ANTXR2: variants seen among roughly 807,000 people sequenced by gnomAD.
ANTXR2 encodes the protein anthrax toxin receptor 2.
Under a neutral mutation model 73.7 loss-of-function variants are expected in ANTXR2, and 44 were observed. That is an observed-to-expected ratio of 0.60 (90% CI 0.47 to 0.77). ANTXR2 has a LOEUF of 0.77. Among genes scored for constraint, ANTXR2 ranks in the 30% least tolerant of loss-of-function variants. ANTXR2 has a pLI of 0.00. For missense variants in ANTXR2, 604 were observed against 592.5 expected, an observed-to-expected ratio of 1.02 and a Z score of -0.20; for synonymous variants, 217 against 205.9, an observed-to-expected ratio of 1.05 and a Z score of -0.46.
In ANTXR2 at chr4:79,923,981, A is replaced by C. The variant is rs542949982; in HGVS notation, c.1429-16514T>G. On this transcript the variant is annotated intron_variant, in intron 16 of 16. Coordinates refer to ENST00000403729, the MANE Select transcript of ANTXR2 (RefSeq NM_058172.6). ...AGCACAATTCATGAAGATTTCCAAA[A>C]ACACACACATATATTGTTTTAATTG... Among the ~76,000 whole-genome samples the C allele has an allele frequency of 8.5e-5, 13 of 152,270 alleles. No individual in the cohort carries two copies. The East Asian group carries it at 1.2e-3, about 14-fold the overall frequency.
intron 11 of ANTXR2, among the ~76,000 whole-genome samples, chr4:80,015,266 A>T (rs896971542): frequency 6.6e-6 from 1 of 152,300 alleles, no homozygotes; most frequent in East Asian, 1.9e-4. Context: ...GGATGTTTCC[A>T]ATGGCAGCAT....
chr4:79,988,229 T>TTATATATATATA (rs70944756), intron 12 of ANTXR2, among the ~76,000 whole-genome samples: 1 of 68,146 alleles, frequency 1.5e-5, no homozygotes, highest in Non-Finnish European at 2.8e-5. Flanking sequence ...CACATAAATT[T>TTATATATATATA]TATATATATA....
intron 16 of ANTXR2, among the ~76,000 whole-genome samples, chr4:79,937,851 G>A (rs577173333): frequency 2.7e-5 from 4 of 145,600 alleles, no homozygotes; most frequent in African/African-American, 7.6e-5. Context: ...GACAGTGGGC[G>A]CAGGCCAGTG....
intron 7 of ANTXR2, among the ~76,000 whole-genome samples, chr4:80,038,861 T>C (rs1174450670): frequency 1.3e-5 from 2 of 152,030 alleles, no homozygotes; most frequent in Admixed American, 6.6e-5. Flanking sequence ...AAAAAAAAAC[T>C]GTTTGGACCT....
intron 11 of ANTXR2, among the ~76,000 whole-genome samples, chr4:80,015,805 G>A (rs1317636958): frequency 7.5e-5 from 11 of 146,894 alleles, no homozygotes; most frequent in Admixed American, 1.4e-4. Flanking sequence ...GAAGAAAGAA[G>A]GAAGGATGGA....
At chr4:79,982,479 C>T (rs754358428) in intron 14 of ANTXR2, among the ~76,000 whole-genome samples, 45 of 151,972 alleles carry the variant, frequency 3.0e-4, no homozygotes, top group African/African-American at 7.7e-4. Context: ...ACTTTTATTT[C>T]GAAGTGTATG....
intron 16 of ANTXR2, among the ~76,000 whole-genome samples, chr4:79,911,477 A>G (rs556089750): frequency 6.6e-6 from 1 of 151,944 alleles, no homozygotes; most frequent in East Asian, 1.9e-4. Flanking sequence ...ATATAGACCT[A>G]TATTTATTAT....
intron 12 of ANTXR2, among the ~76,000 whole-genome samples, chr4:79,994,647 T>C (rs1458015344): frequency 1.3e-5 from 2 of 151,992 alleles, no homozygotes; most frequent in Non-Finnish European, 2.9e-5. Context: ...ACTCTTCCTT[T>C]TTTTTAATGT....
intron 7 of ANTXR2, among the ~76,000 whole-genome samples, chr4:80,041,933 A>G (rs1017458916): frequency 6.6e-6 from 1 of 151,920 alleles, no homozygotes; most frequent in South Asian, 2.1e-4. Flanking sequence ...AAACATACGC[A>G]TGCATGTATC....
intron 7 of ANTXR2, among the ~76,000 whole-genome samples, chr4:80,052,884 T>A (rs1182741684): frequency 1.3e-5 from 2 of 151,558 alleles, no homozygotes; most frequent in African/African-American, 4.8e-5. Flanking sequence ...AGCTACTAAT[T>A]CCTTGAAGGG....
intron 9 of ANTXR2, 33 bp from the exon 10 acceptor site, chr4:80,031,725 G>A (rs746948765): frequency 1.4e-4 from 182 of 1,307,090 alleles, no homozygotes; most frequent in Non-Finnish European, 1.8e-4. Flanking sequence ...ATTAGTAAAG[G>A]GTTTTATGCA....
intron 16 of ANTXR2, among the ~76,000 whole-genome samples, chr4:79,923,275 T>C (rs7685822): frequency 0.57 from 86,895 of 151,636 alleles, 25,191 homozygotes; most frequent in Non-Finnish European, 0.6. Context: ...TGTCTAAAAA[T>C]ACAAACACAA....
intron 11 of ANTXR2, among the ~76,000 whole-genome samples, chr4:80,014,986 C>G (rs2110064208): frequency 6.6e-6 from 1 of 152,294 alleles, no homozygotes; most frequent in African/African-American, 2.4e-5. Context: ...ACAAGGTCTT[C>G]TTTTCCTGTT....
At chr4:79,980,456 G>A (rs915779410) in intron 14 of ANTXR2, among the ~76,000 whole-genome samples, 9 of 152,134 alleles carry the variant, frequency 5.9e-5, no homozygotes, top group African/African-American at 2.2e-4. Flanking sequence ...GGAAGCCTTA[G>A]CAGAATTAAT....
chr4:79,935,560 G>T (rs1728231767), intron 16 of ANTXR2, among the ~76,000 whole-genome samples: 1 of 152,050 alleles, frequency 6.6e-6, no homozygotes, highest in South Asian at 2.1e-4. Flanking sequence ...GCCAGAAGGA[G>T]CTTTAACTAG....
chr4:79,932,813 A>T (rs1728111431), intron 16 of ANTXR2, among the ~76,000 whole-genome samples: 1 of 151,150 alleles, frequency 6.6e-6, no homozygotes, highest in East Asian at 1.9e-4. Flanking sequence ...AAAAAAAAAA[A>T]AAAAAATTAG....
rs11397721 is a variant in ANTXR2 at position 79,980,921 on chromosome 4, TAAAA to T, written c.1180-2751_1180-2748del. Among the ~76,000 whole-genome samples the T allele has an allele frequency of 5.9e-3, 814 of 137,550 alleles. 4 individuals carry two copies. Among genetic ancestry groups the T allele is most frequent in the Non-Finnish European group, 8.0e-3 (518 of 64,424 alleles). The allele number at this position is 137,550 out of a possible 152,430, so 90.2% of individuals were successfully genotyped here. On this transcript the variant is annotated intron_variant, in intron 14 of 16. Coordinates refer to ENST00000403729, the MANE Select transcript of ANTXR2 (RefSeq NM_058172.6). Reference sequence around the variant, plus strand: ...TTTACTTTTCCTAGTTTAAGGGCTTTAAAAAAAAAAAAAAAAAAAAAGAGAAGTA... The same window carrying T: ...TTTACTTTTCCTAGTTTAAGGGCTTTAAAAAAAAAAAAAAAAAGAGAAGTA...
chr4:79,944,245 T>C (rs2109973810), intron 16 of ANTXR2, among the ~76,000 whole-genome samples: 1 of 76,004 alleles, frequency 1.3e-5, no homozygotes, highest in South Asian at 5.4e-4. Flanking sequence ...CATGCCAAGC[T>C]CTCTATAACT....
chr4:80,012,982 C>A (rs113377039), intron 11 of ANTXR2, among the ~76,000 whole-genome samples: 1 of 152,194 alleles, frequency 6.6e-6, no homozygotes, highest in Non-Finnish European at 1.5e-5. Context: ...AAGGATTTAG[C>A]ACATATACAG....
Sources: gnomAD v4.1 joint callset for allele counts (sites outside exome capture counted in the v4.1 genomes callset) on GRCh38, gnomAD v4.1.1 for gene constraint, MANE v1.5 for transcripts, NCBI Gene and HGNC (gene_info 2026-07-23, HGNC 2026-07-21) for gene names.